Variants in GLYAT observed in about 807,000 individuals in gnomAD.
The protein encoded by GLYAT is glycine-N-acyltransferase.
In GLYAT, 25 loss-of-function variants were observed where a neutral mutation model predicts 22.8. The observed-to-expected ratio is 1.09, with a 90% CI of 0.80 to 1.53. The LOEUF (loss-of-function observed/expected upper bound fraction) is 1.53. Ranked by LOEUF, GLYAT falls within the 40% of genes most tolerant of loss-of-function variation. The pLI, the probability that GLYAT is intolerant of heterozygous loss-of-function variation, is 0.00. For missense variants in GLYAT, 411 were observed against 353.9 expected (o/e 1.16, Z -1.29); for synonymous variants, 140 against 122.7 (o/e 1.14, Z -0.93).
chr11:58,718,582 T>A (rs1356149217), intron 2 of GLYAT, among the ~76,000 whole-genome samples: 1 of 151,986 alleles, frequency 6.6e-6, no homozygotes, highest in East Asian at 1.9e-4. Context: ...AAAACCACCT[T>A]CTAAAGAGGA....
At chr11:58,722,145 C>T (rs1856757919) in intron 2 of GLYAT, among the ~76,000 whole-genome samples, 1 of 151,954 alleles carries the variant, frequency 6.6e-6, no homozygotes, top group South Asian at 2.1e-4. Flanking sequence ...GCTCACAGAC[C>T]TCAGCAAATT....
chr11:58,720,618 T>A (rs1856737582), intron 2 of GLYAT, among the ~76,000 whole-genome samples: 1 of 152,016 alleles, frequency 6.6e-6, no homozygotes, highest in African/African-American at 2.4e-5. Context: ...CCTTATTGAC[T>A]GTGGACCAGA....
In GLYAT at chr11:58,728,885, AGAAAGAAG is replaced by A. The variant is rs1483431126; in HGVS notation, c.-16+2942_-16+2949del. ...AAGAAAGAAAGAAAGAAAGAAAGAA[AGAAAGAAG>A]GAAGGAAGGAAGGAAGGAAGGAAGG... On this transcript the variant is annotated intron_variant, in intron 1 of 5. Transcript: ENST00000344743. Among the ~76,000 whole-genome samples the A allele has an allele frequency of 5.4e-3, 658 of 121,526 alleles. 5 individuals carry two copies. Among genetic ancestry groups the A allele is most frequent in the African/African-American group, 0.017 (440 of 26,622 alleles). The allele number at this position is 121,526 out of a possible 152,430, so 79.7% of individuals were successfully genotyped here.
In GLYAT at chr11:58,712,027, G is replaced by A. The variant is rs569686488; in HGVS notation, c.316+733C>T. Among the ~76,000 whole-genome samples the A allele has an allele frequency of 2.6e-5, 4 of 152,296 alleles. No individual in the cohort carries two copies. In the East Asian group the frequency reaches 7.7e-4, roughly 29 times the overall value. On this transcript the variant is annotated intron_variant, in intron 4 of 5. Coordinates refer to ENST00000344743, the MANE Select transcript of GLYAT (RefSeq NM_201648.3). ...AACTCTCATTCAGGCATGTGAGTGAGGCCGTGTAAGAGCAATCAGCCATGG... is the reference window on the plus strand; with the variant it reads ...AACTCTCATTCAGGCATGTGAGTGAAGCCGTGTAAGAGCAATCAGCCATGG...
At chr11:58,729,397 A>T (rs1184609310) in intron 1 of GLYAT, among the ~76,000 whole-genome samples, 1 of 152,140 alleles carries the variant, frequency 6.6e-6, no homozygotes, top group Non-Finnish European at 1.5e-5. Flanking sequence ...GTTGGGTTAA[A>T]GTTTTCTTCT....
intron 1 of GLYAT, among the ~76,000 whole-genome samples, 161 bp from the exon 2 acceptor site, chr11:58,724,672 C>T (rs1183852174): frequency 6.6e-6 from 1 of 151,942 alleles, no homozygotes; most frequent in East Asian, 1.9e-4. Flanking sequence ...GTAGAAAACA[C>T]AAGGAGCTTT....
chr11:58,712,826 G>A lies in GLYAT; in HGVS notation c.250C>T (p.Gln84Ter), dbSNP rs1172537245. ...GATCCAAGGAATTCCTGACAGTTTTGGGGATCTTTGGAGTAGATTTGGTAA... is the reference window on the plus strand; with the variant it reads ...GATCCAAGGAATTCCTGACAGTTTTAGGGATCTTTGGAGTAGATTTGGTAA... The part of the protein sequence containing the change: ...NTYQIYSKDP[Q>*]NCQEFLGSPE... The change falls in exon 4 of 6, where the codon CAA becomes TAA. Residue 84 changes from glutamine to a stop codon, truncating the protein, a stop_gained. Transcript: ENST00000344743. LOFTEE classifies it high-confidence loss of function. 1 of 1,609,152 alleles carries A rather than the reference G, an allele frequency of 6.2e-7. No individual in the cohort carries two copies. Among genetic ancestry groups the A allele is most frequent in the Admixed American group, 1.7e-5 (1 of 59,970 alleles).
intron 2 of GLYAT, among the ~76,000 whole-genome samples, chr11:58,722,655 C>T (rs1856764200): frequency 6.6e-6 from 1 of 152,054 alleles, no homozygotes; most frequent in Admixed American, 6.6e-5. Context: ...GAATGGGAGG[C>T]AAGTTTGCCC....
rs1178567681 is a variant in GLYAT at position 58,709,163 on chromosome 11, G to A, written c.*603C>T. On this transcript the variant is annotated 3_prime_UTR_variant, in exon 6 of 6. Coordinates refer to ENST00000344743, the MANE Select transcript of GLYAT (RefSeq NM_201648.3). ...ACATTGGATCTTTTTTCCTGGAATA[G>A]GAGCTTGGAGAGGATAGGATATCAT... is the stretch of plus-strand genomic sequence containing the variant. The A allele has an allele frequency of 6.6e-6, 1 of 152,178 alleles. No homozygotes were observed. The highest frequency in any genetic ancestry group is 1.5e-5 in the Non-Finnish European group (1 of 68,032). The allele number at this position is 152,178 out of a possible 1,614,324, so 9.4% of individuals were successfully genotyped here.
At chr11:58,720,185 A>G (rs548848559) in intron 2 of GLYAT, among the ~76,000 whole-genome samples, 2 of 152,062 alleles carry the variant, frequency 1.3e-5, no homozygotes, top group African/African-American at 2.4e-5. Context: ...TCACCTCTTT[A>G]AAAAACACAC....
At chr11:58,719,075 T>C (rs1459760222) in intron 2 of GLYAT, among the ~76,000 whole-genome samples, 1 of 151,988 alleles carries the variant, frequency 6.6e-6, no homozygotes, top group Non-Finnish European at 1.5e-5. Context: ...GAACCTACTG[T>C]CTTAAAGAAT....
At chr11:58,712,583 T>C (rs778571237) in intron 4 of GLYAT, among the ~76,000 whole-genome samples, 177 bp downstream of exon 4, 1 of 152,156 alleles carries the variant, frequency 6.6e-6, no homozygotes. Context: ...GCCCATTCTT[T>C]GCAAATTTTA....
At chr11:58,725,919 C>T (rs570146) in intron 1 of GLYAT, among the ~76,000 whole-genome samples, 111,803 of 152,004 alleles carry the variant, frequency 0.74, 41,731 homozygotes, top group Middle Eastern at 0.9. Context: ...TGCATGCTAA[C>T]TTAAGGCATT....
At chr11:58,712,438 T>G (rs1319455828) in intron 4 of GLYAT, among the ~76,000 whole-genome samples, 1 of 152,134 alleles carries the variant, frequency 6.6e-6, no homozygotes, top group Non-Finnish European at 1.5e-5. Context: ...AAGCTATCAT[T>G]TTTATTACAG....
At position 58,724,511 on chromosome 11, in the gene GLYAT, C is replaced by T. The variant is rs749033539; in HGVS notation, c.-15G>A. 1.3e-6 allele frequency: 2 copies of T among 1,529,204 alleles called. No individual in the cohort carries two copies. The highest frequency in any genetic ancestry group is 1.2e-5 in the South Asian group (1 of 86,788). 94.7% of individuals were successfully genotyped at this position (1,529,204 alleles called of 1,614,324 possible). ...GGTAACATCATGGAGGATACCTTAGCCTAGAAAGACAACCAAGGAACATAC... is the reference window on the plus strand; with the variant it reads ...GGTAACATCATGGAGGATACCTTAGTCTAGAAAGACAACCAAGGAACATAC... On this transcript the variant is annotated splice_region_variant and 5_prime_UTR_variant, in exon 2 of 6. Coordinates refer to ENST00000344743, the MANE Select transcript of GLYAT (RefSeq NM_201648.3).
At chr11:58,726,079 T>C (rs990791575) in intron 1 of GLYAT, among the ~76,000 whole-genome samples, 25 of 152,220 alleles carry the variant, frequency 1.6e-4, no homozygotes, top group South Asian at 1.0e-3. Flanking sequence ...TGGTTTTTTT[T>C]TGTATTCGGA....
chr11:58,710,895 C>T (rs1856607681), intron 4 of GLYAT, 134 bp from the exon 5 acceptor site: 1 of 581,198 alleles, frequency 1.7e-6, no homozygotes, highest in African/African-American at 1.9e-5. Context: ...ACTGTGTGAC[C>T]CATGTCAATA....
In GLYAT at chr11:58,715,353, G is replaced by A. The variant is rs138554074; in HGVS notation, c.152C>T (p.Pro51Leu). 5.6e-6 allele frequency: 9 copies of A among 1,595,724 alleles called. No homozygotes were observed. Among genetic ancestry groups the A allele is most frequent in the Non-Finnish European group, 7.7e-6 (9 of 1,163,790 alleles). ...GCAGACAACCACTGTATTAAAATCAGGCCACTTGTCCACCACAGCCTTCAG... is the reference window on the plus strand; with the variant it reads ...GCAGACAACCACTGTATTAAAATCAAGCCACTTGTCCACCACAGCCTTCAG... ...FNLKAVVDKW[P>L]DFNTVVVCPQ... The change falls in exon 3 of 6, where the codon CCT (proline) becomes CTT (leucine). Residue 51 changes from proline to leucine, a missense_variant. By Grantham distance (98) the Pro-to-Leu change is moderately conservative. Transcript: ENST00000344743.
intron 2 of GLYAT, among the ~76,000 whole-genome samples, chr11:58,718,542 AG>A (rs1472359967): frequency 6.6e-6 from 1 of 152,032 alleles, no homozygotes; most frequent in Non-Finnish European, 1.5e-5. Context: ...TGCATTTAAG[AG>A]TACCTGTTGG....
Sources: gnomAD v4.1 joint callset for allele counts (sites outside exome capture counted in the v4.1 genomes callset) on GRCh38, gnomAD v4.1.1 for gene constraint, MANE v1.5 for transcripts, NCBI Gene and HGNC (gene_info 2026-07-23, HGNC 2026-07-21) for gene names.